Variants in DAB1 observed in about 807,000 individuals in gnomAD.
DAB1 encodes the protein disabled homolog 1.
Under a neutral mutation model 64.6 loss-of-function variants are expected in DAB1, and 15 were observed. The observed-to-expected ratio is 0.23, with a 90% CI of 0.16 to 0.36. The LOEUF (loss-of-function observed/expected upper bound fraction) is 0.36. Ranked by LOEUF, DAB1 falls within the 10% of genes least tolerant of loss-of-function variation. The pLI is 1.00. For missense variants in DAB1, 596 were observed against 706.7 expected (o/e 0.84, Z 1.78); for synonymous variants, 235 against 251.9 (o/e 0.93, Z 0.64).
chr1:57,030,135 A>G (rs1646922448), intron 9 of DAB1, among the ~76,000 whole-genome samples: 1 of 152,174 alleles, frequency 6.6e-6, no homozygotes, highest in Non-Finnish European at 1.5e-5. Flanking sequence ...TTTCCCATGT[A>G]TTCTCATGAT....
intron 7 of DAB1, among the ~76,000 whole-genome samples, chr1:57,472,217 T>G (rs1486908106): frequency 2.0e-5 from 3 of 152,256 alleles, no homozygotes; most frequent in Admixed American, 6.5e-5. Flanking sequence ...GGTTTTGGCT[T>G]GTGCCGTTTT....
At chr1:57,201,236 C>T (rs151052117) in intron 2 of DAB1, among the ~76,000 whole-genome samples, 7 of 151,962 alleles carry the variant, frequency 4.6e-5, no homozygotes, top group Non-Finnish European at 8.8e-5. Flanking sequence ...AGCAAGCAAG[C>T]ATTCATTCAT....
intron 7 of DAB1, among the ~76,000 whole-genome samples, chr1:57,619,324 A>G (rs922993657): frequency 6.6e-6 from 1 of 152,220 alleles, no homozygotes; most frequent in Non-Finnish European, 1.5e-5. Context: ...AGCACCTGGT[A>G]CATGACAACG....
chr1:58,230,417 G>T (rs1207742941), intron 4 of DAB1, among the ~76,000 whole-genome samples: 2 of 152,224 alleles, frequency 1.3e-5, no homozygotes, highest in African/African-American at 4.8e-5. Flanking sequence ...GCTTAGAGGA[G>T]CAGGAGGAGT....
At chr1:58,100,253 C>A (rs1651235540) in intron 5 of DAB1, among the ~76,000 whole-genome samples, 2 of 152,218 alleles carry the variant, frequency 1.3e-5, no homozygotes, top group East Asian at 1.9e-4. Flanking sequence ...CCTGTTCCTG[C>A]CTCACCAATC....
At chr1:57,131,291 A>G (rs1657633493) in intron 4 of DAB1, among the ~76,000 whole-genome samples, 1 of 152,238 alleles carries the variant, frequency 6.6e-6, no homozygotes, top group African/African-American at 2.4e-5. Context: ...ACCTACCTGT[A>G]CCTTAGTTGA....
intron 3 of DAB1, among the ~76,000 whole-genome samples, chr1:58,403,930 G>C (rs148924580): frequency 6.6e-6 from 1 of 152,328 alleles, no homozygotes; most frequent in East Asian, 1.9e-4. Context: ...GCTGTGAACA[G>C]AATAGTAGAA....
intron 2 of DAB1, among the ~76,000 whole-genome samples, chr1:57,169,973 TGCC>T: frequency 6.6e-6 from 1 of 151,346 alleles, no homozygotes; most frequent in South Asian, 2.1e-4. Flanking sequence ...CATCTTACCA[TGCC>T]TTTTTCTTTT....
intron 4 of DAB1, among the ~76,000 whole-genome samples, chr1:58,308,029 G>T (rs1198474582): frequency 2.0e-5 from 3 of 152,142 alleles, no homozygotes; most frequent in African/African-American, 7.2e-5. Context: ...TGTAGAAGGA[G>T]AAAGGAGACT....
intron 5 of DAB1, among the ~76,000 whole-genome samples, chr1:58,131,229 CTT>C (rs1349860987): frequency 6.9e-6 from 1 of 144,270 alleles, no homozygotes; most frequent in Non-Finnish European, 1.5e-5. Context: ...TGCTGATACC[CTT>C]TCTTCCAGTT....
At chr1:58,016,239 C>T (rs1176246199) in intron 5 of DAB1, among the ~76,000 whole-genome samples, 1 of 152,050 alleles carries the variant, frequency 6.6e-6, no homozygotes, top group African/African-American at 2.4e-5. Flanking sequence ...AACCATTCTG[C>T]CCTTGGACAT....
At chr1:58,268,892 C>T (rs1185521346) in intron 4 of DAB1, among the ~76,000 whole-genome samples, 2 of 152,122 alleles carry the variant, frequency 1.3e-5, no homozygotes, top group Non-Finnish European at 2.9e-5. Context: ...CAAAACAGTG[C>T]AGCACTGCCT....
chr1:57,880,662 T>C (rs1644130624), intron 1 of DAB1: 1 of 152,192 alleles, frequency 6.6e-6, no homozygotes, highest in African/African-American at 2.4e-5. Context: ...GTCATCAGTC[T>C]CTAAGGTCCT....
chr1:57,719,593 G>A lies in DAB1; in HGVS notation n.552-69928C>T, dbSNP rs72912493. 5.8e-3 allele frequency among the ~76,000 whole-genome samples: 882 copies of A among 152,304 alleles called. 8 individuals carry two copies. Among genetic ancestry groups the A allele is most frequent in the African/African-American group, 0.02 (837 of 41,562 alleles). On this transcript the variant is annotated intron_variant and non_coding_transcript_variant, in intron 6 of 20. Coordinates refer to the DAB1 transcript ENST00000485760. ...CCTGATAGTGAGTGAGTTCTCACGA[G>A]ATCAAATGGTTTAAAATTACAGCAC...
intron 7 of DAB1, among the ~76,000 whole-genome samples, chr1:57,459,440 A>G (rs927465733): frequency 3.3e-5 from 5 of 152,168 alleles, no homozygotes; most frequent in African/African-American, 1.2e-4. Context: ...TCCTTGGGAT[A>G]TTCTCCAAAA....
At chr1:57,142,625 CACACAT>C (rs1160707713) in intron 3 of DAB1, among the ~76,000 whole-genome samples, 3,215 of 148,544 alleles carry the variant, frequency 0.022, 126 homozygotes, top group African/African-American at 0.079. Context: ...CACACACACA[CACACAT>C]ACACACACAC....
intron 4 of DAB1, among the ~76,000 whole-genome samples, chr1:57,102,127 A>G (rs1654734431): frequency 6.6e-6 from 1 of 152,200 alleles, no homozygotes; most frequent in Non-Finnish European, 1.5e-5. Flanking sequence ...TCTTTGGAGT[A>G]ATAGAGCCAA....
chr1:57,224,000 C>T (rs1667076875), intron 2 of DAB1, among the ~76,000 whole-genome samples: 2 of 152,156 alleles, frequency 1.3e-5, no homozygotes, highest in South Asian at 4.1e-4. Flanking sequence ...GAGGTACTCC[C>T]CCTCCGATTC....
chr1:57,172,142 C>A (rs1429726779), intron 2 of DAB1, among the ~76,000 whole-genome samples: 1 of 152,124 alleles, frequency 6.6e-6, no homozygotes, highest in Admixed American at 6.5e-5. Flanking sequence ...GTGTGTCTAT[C>A]TGTGTGTCCA....
Sources: allele counts gnomAD v4.1 joint callset (sites outside exome capture counted in the v4.1 genomes callset), GRCh38; gene constraint gnomAD v4.1.1; transcripts MANE v1.5; gene names NCBI Gene and HGNC (gene_info 2026-07-23, HGNC 2026-07-21).